The following DCUN1D1 variants were observed in gnomAD, a reference collection of about 807,000 sequenced individuals.
The protein encoded by DCUN1D1 is DCN1-like protein 1.
In DCUN1D1, 3 loss-of-function variants were observed where a neutral mutation model predicts 39.0. The ratio of observed to expected loss-of-function variants is 0.08; its 90% CI spans 0.04 to 0.20. DCUN1D1 has a LOEUF of 0.20. DCUN1D1 is among the 10% of genes least tolerant of loss of function. DCUN1D1 has a pLI of 1.00. For synonymous variants in DCUN1D1, 82 were observed against 96.3 expected (o/e 0.85, Z 0.87); for missense variants, 158 against 302.4 (o/e 0.52, Z 3.54).
At position 182,951,906 on chromosome 3, in the gene DCUN1D1, G is replaced by C. The variant is rs1726774028; in HGVS notation, c.521-4274C>G. 2.0e-5 allele frequency among the ~76,000 whole-genome samples: 3 copies of C among 152,028 alleles called. No homozygotes were observed. In the South Asian group the frequency reaches 6.2e-4, roughly 32 times the overall value. On this transcript the variant is annotated intron_variant, in intron 4 of 6. Coordinates refer to ENST00000292782, the MANE Select transcript of DCUN1D1 (RefSeq NM_020640.4). The stretch of plus-strand genomic sequence containing the variant: ...AGACAGGATTTCTCCCTGTTGGTCA[G>C]TCTGGTCTCGAACTTCTGACCTCAG...
upstream of DCUN1D1, chr3:182,980,653 A>C (rs1477684605): frequency 2.2e-6 from 2 of 910,038 alleles, no homozygotes; most frequent in East Asian, 1.0e-4. Context: ...GGGGAGGCGG[A>C]GGGACGGAGG....
intron 4 of DCUN1D1, among the ~76,000 whole-genome samples, chr3:182,959,932 C>G (rs1727297949): frequency 6.6e-6 from 1 of 152,110 alleles, no homozygotes; most frequent in South Asian, 2.1e-4. Context: ...GCGAGGCTTC[C>G]CCTCCTGTTT....
At position 182,941,116 on chromosome 3, in the gene DCUN1D1, T is replaced by C. The variant is rs1209688372; in HGVS notation, c.*3978A>G. 6.6e-6 allele frequency: 1 copy of C among 151,258 alleles called. No homozygotes were observed. The highest frequency in any genetic ancestry group is 1.5e-5 in the Non-Finnish European group (1 of 67,736). 9.4% of individuals were successfully genotyped at this position (151,258 alleles called of 1,614,324 possible). A position where few individuals can be genotyped will look rare whatever the true frequency, so the allele number is the denominator to read the frequency against. ...CTTACTCAACAGGTAGGAAAGAAAATAAGATAGCAAGAATGCTCTGATAAA... is the reference window on the plus strand; with the variant it reads ...CTTACTCAACAGGTAGGAAAGAAAACAAGATAGCAAGAATGCTCTGATAAA... On this transcript the variant is annotated 3_prime_UTR_variant, in exon 7 of 7. Transcript: ENST00000292782.
chr3:182,968,085 T>A (rs1381391770), intron 1 of DCUN1D1, among the ~76,000 whole-genome samples: 1 of 152,088 alleles, frequency 6.6e-6, no homozygotes, highest in Non-Finnish European at 1.5e-5. Context: ...GGTTTTTTTG[T>A]TTTTTTAGAG....
At chr3:182,959,610 A>G (rs1454322062) in intron 4 of DCUN1D1, among the ~76,000 whole-genome samples, 4 of 151,538 alleles carry the variant, frequency 2.6e-5, no homozygotes, top group Non-Finnish European at 5.9e-5. Context: ...ATAAACTGCT[A>G]GCACTTTATT....
In DCUN1D1 at chr3:182,942,763, CA is replaced by C. The variant is rs1380037182; in HGVS notation, c.*2330del. The stretch of plus-strand genomic sequence containing the variant: ...TCACAGACACAGACTCAAACACACA[CA>C]GCCATATGTGTAATCATTTTTTAGT... On this transcript the variant is annotated 3_prime_UTR_variant, in exon 7 of 7. Coordinates refer to ENST00000292782, the MANE Select transcript of DCUN1D1 (RefSeq NM_020640.4). 1 of 151,940 alleles carries C rather than the reference CA, an allele frequency of 6.6e-6. No homozygotes were observed. The highest frequency in any genetic ancestry group is 2.4e-5 in the African/African-American group (1 of 41,284). 9.4% of individuals were successfully genotyped at this position (151,940 alleles called of 1,614,324 possible).
intron 1 of DCUN1D1, among the ~76,000 whole-genome samples, chr3:182,967,201 C>G (rs1236834011): frequency 6.6e-6 from 1 of 151,134 alleles, no homozygotes; most frequent in Non-Finnish European, 1.5e-5. Flanking sequence ...CCCAGATTCC[C>G]TCATCTGGCC....
intron 3 of DCUN1D1, among the ~76,000 whole-genome samples, chr3:182,962,258 G>C (rs1280363107): frequency 6.6e-6 from 1 of 152,220 alleles, no homozygotes; most frequent in Non-Finnish European, 1.5e-5. Flanking sequence ...ATAGTGTCCA[G>C]GCCAGTTAAT....
At chr3:182,962,036 C>A (rs1199566229) in intron 3 of DCUN1D1, among the ~76,000 whole-genome samples, 4 of 152,106 alleles carry the variant, frequency 2.6e-5, no homozygotes, top group African/African-American at 7.2e-5. Context: ...TCCTTCTAAT[C>A]GTTTTTTGCT....
chr3:182,965,064 AAAC>A (rs1727602524), intron 2 of DCUN1D1, among the ~76,000 whole-genome samples: 1 of 152,246 alleles, frequency 6.6e-6, no homozygotes, highest in Non-Finnish European at 1.5e-5. Context: ...ACTTTGAAAG[AAAC>A]TCTGTAAATA....
At chr3:182,967,150 ATATATATATT>A in intron 1 of DCUN1D1, among the ~76,000 whole-genome samples, 1 of 80,232 alleles carries the variant, frequency 1.2e-5, no homozygotes, top group Non-Finnish European at 3.3e-5. Flanking sequence ...ATATATATAT[ATATATATATT>A]TTCTGTGGTT....
At chr3:182,951,403 A>G (rs912427417) in intron 4 of DCUN1D1, among the ~76,000 whole-genome samples, 3 of 152,070 alleles carry the variant, frequency 2.0e-5, no homozygotes, top group African/African-American at 7.2e-5. Flanking sequence ...TGACAAAAGT[A>G]AAAGTTCAGG....
chr3:182,942,630 G>C lies in DCUN1D1; in HGVS notation c.*2464C>G, dbSNP rs1157352594. ...AGTTTAAAACAAAGAATCAGCATGG[G>C]GAGTTTACCGGAATGAGGACTGAAA... On this transcript the variant is annotated 3_prime_UTR_variant, in exon 7 of 7. Coordinates refer to ENST00000292782, the MANE Select transcript of DCUN1D1 (RefSeq NM_020640.4). The C allele has an allele frequency of 6.6e-6, 1 of 151,660 alleles. No homozygotes were observed. The highest frequency in any genetic ancestry group is 2.4e-5 in the African/African-American group (1 of 41,264). The allele number at this position is 151,660 out of a possible 1,614,324, so 9.4% of individuals were successfully genotyped here. A position where few individuals can be genotyped will look rare whatever the true frequency, so the allele number is the denominator to read the frequency against.
At chr3:182,964,162 G>T in intron 2 of DCUN1D1, 113 bp from the exon 3 acceptor site, 1 of 765,810 alleles carries the variant, frequency 1.3e-6, no homozygotes, top group Non-Finnish European at 2.1e-6. Context: ...TATATGGAAG[G>T]CATGAAACGA....
chr3:182,945,884 T>C (rs146955985), intron 6 of DCUN1D1, among the ~76,000 whole-genome samples: 3 of 152,294 alleles, frequency 2.0e-5, no homozygotes, highest in African/African-American at 7.2e-5. Flanking sequence ...GACACAATTA[T>C]TAGGTATATG....
intron 4 of DCUN1D1, among the ~76,000 whole-genome samples, chr3:182,959,305 T>C (rs528255057): frequency 1.1e-4 from 16 of 152,288 alleles, no homozygotes; most frequent in African/African-American, 3.4e-4. Context: ...CAGTCATGTT[T>C]AGTAACTCGT....
rs373198204 is a variant in DCUN1D1 at position 182,939,731 on chromosome 3, T to C, written c.*5363A>G. The C allele has an allele frequency of 6.6e-5, 10 of 152,276 alleles. No homozygotes were observed. The highest frequency in any genetic ancestry group is 1.9e-4 in the African/African-American group (8 of 41,534). 9.4% of individuals were successfully genotyped at this position (152,276 alleles called of 1,614,324 possible). On this transcript the variant is annotated 3_prime_UTR_variant, in exon 7 of 7. Transcript: ENST00000292782. ...AACCGCAGAGCAGCAGGAGTAAATT[T>C]TGGGGGCTGATGGACATGTTCTAAA... is the stretch of plus-strand genomic sequence containing the variant.
At chr3:182,980,246 C>G in intron 1 of DCUN1D1, 3 of 299,788 alleles carry the variant, frequency 1.0e-5, no homozygotes, top group Non-Finnish European at 9.9e-6. Context: ...CCGGGGCTCC[C>G]GACTAGGCCC....
In DCUN1D1 at chr3:182,947,275, C is replaced by A; in HGVS notation, c.663G>T (p.Thr221=). 1 of 1,608,798 alleles carries A rather than the reference C, an allele frequency of 6.2e-7. No homozygotes were observed. Among genetic ancestry groups the A allele is most frequent in the Non-Finnish European group, 8.5e-7 (1 of 1,178,368 alleles). Residue 221 remains threonine (T), a synonymous_variant, in exon 6 of 7, where the codon ACG becomes ACT. Transcript: ENST00000292782. ...DTWNLLLDFS[T]MIADDMSNYD... ...AATTAGACATGTCATCTGCAATCAT[C>A]GTACTGAAGTCTAAAAGAAGATTCC...
Sources: allele counts gnomAD v4.1 joint callset (sites outside exome capture counted in the v4.1 genomes callset), GRCh38; gene constraint gnomAD v4.1.1; transcripts MANE v1.5; gene names NCBI Gene and HGNC (gene_info 2026-07-23, HGNC 2026-07-21).